The following UNC5C variants were observed in gnomAD, a reference collection of about 807,000 sequenced individuals.
UNC5C encodes unc-5 netrin receptor C, also known as netrin receptor UNC5C.
In UNC5C, 47 loss-of-function variants were observed where a neutral mutation model predicts 99.8. The observed-to-expected ratio is 0.47, with a 90% CI of 0.37 to 0.60. The LOEUF is 0.60. Among genes scored for constraint, UNC5C ranks in the 20% least tolerant of loss-of-function variants. The probability of loss-of-function intolerance (pLI) is 0.00; values close to 1 mark genes in which losing one functional copy is unlikely to be tolerated. For missense variants in UNC5C, 1,062 were observed against 1,165.9 expected, an observed-to-expected ratio of 0.91 and a Z score of 1.30; for synonymous variants, 487 against 452.2, an observed-to-expected ratio of 1.08 and a Z score of -0.98.
intron 1 of UNC5C, among the ~76,000 whole-genome samples, chr4:95,475,079 C>A (rs1748100646): frequency 6.6e-6 from 1 of 152,134 alleles, no homozygotes. Context: ...GTCTAACAAG[C>A]AGCTCCATCT....
At chr4:95,198,741 G>A (rs1737532497) in intron 12 of UNC5C, among the ~76,000 whole-genome samples, 1 of 152,152 alleles carries the variant, frequency 6.6e-6, no homozygotes, top group Admixed American at 6.5e-5. Flanking sequence ...CTTGGGGTTT[G>A]TTAGGGGTAC....
chr4:95,235,840 T>TCAC (rs1290301968), intron 7 of UNC5C, among the ~76,000 whole-genome samples: 1 of 152,114 alleles, frequency 6.6e-6, no homozygotes, highest in Non-Finnish European at 1.5e-5. Flanking sequence ...GAAAAAATGA[T>TCAC]CATCACTGGC....
chr4:95,180,519 A>ACTT (rs1458421788), intron 14 of UNC5C, among the ~76,000 whole-genome samples: 9 of 152,194 alleles, frequency 5.9e-5, no homozygotes, highest in African/African-American at 2.2e-4. Flanking sequence ...TCCTTCTTAA[A>ACTT]CTTCATCTCT....
chr4:95,218,263 G>A (rs1369475837), intron 9 of UNC5C, among the ~76,000 whole-genome samples: 2 of 152,134 alleles, frequency 1.3e-5, no homozygotes, highest in African/African-American at 2.4e-5. Flanking sequence ...TACTAATATT[G>A]ATTAATGAAT....
intron 2 of UNC5C, among the ~76,000 whole-genome samples, chr4:95,332,945 A>G (rs912903448): frequency 6.6e-6 from 1 of 152,224 alleles, no homozygotes; most frequent in Admixed American, 6.5e-5. Context: ...GAAGACATTT[A>G]TGTAGCCAAA....
chr4:95,230,175 G>C (rs189141912), intron 7 of UNC5C, among the ~76,000 whole-genome samples: 1 of 151,920 alleles, frequency 6.6e-6, no homozygotes, highest in Non-Finnish European at 1.5e-5. Context: ...TTGTGGTTTC[G>C]ATTTGCATTT....
Position 95,169,203 on chromosome 4 carries a change from T to C in UNC5C, c.*31A>G, listed in dbSNP as rs1735982369. 1 of 1,611,066 alleles carries C rather than the reference T, an allele frequency of 6.2e-7. No homozygotes were observed. The highest frequency in any genetic ancestry group is 8.5e-7 in the Non-Finnish European group (1 of 1,177,708). The stretch of plus-strand genomic sequence containing the variant: ...ACGGCCACAGACTCCCTGTGCATTT[T>C]TGTCCTTCATTTCCCCTTCCAGCAT... On this transcript the variant is annotated 3_prime_UTR_variant, in exon 16 of 16. Coordinates refer to ENST00000453304, the MANE Select transcript of UNC5C (RefSeq NM_003728.4).
rs562042411 is a variant in UNC5C at position 95,286,124 on chromosome 4, C to T, written c.491-7762G>A. Among the ~76,000 whole-genome samples, 8 of 152,308 alleles carry T rather than the reference C, an allele frequency of 5.3e-5. No homozygotes were observed. The South Asian group carries it at 6.2e-4, about 12-fold the overall frequency. ...AAGTGCCCAAAAGATAATAATCCCC[C>T]ACTCTACTTTTTCCCCGAAGTATTA... On this transcript the variant is annotated intron_variant, in intron 3 of 15. Coordinates refer to ENST00000453304, the MANE Select transcript of UNC5C (RefSeq NM_003728.4).
At chr4:95,249,288 T>C (rs4699837) in intron 5 of UNC5C, among the ~76,000 whole-genome samples, 63,210 of 152,024 alleles carry the variant, frequency 0.42, 13,594 homozygotes, top group East Asian at 0.63. Flanking sequence ...CTGACTGTAC[T>C]ATGAGCCACA....
intron 1 of UNC5C, among the ~76,000 whole-genome samples, chr4:95,466,370 A>G (rs544441474): frequency 7.9e-5 from 12 of 152,160 alleles, no homozygotes; most frequent in East Asian, 5.8e-4. Flanking sequence ...GATAATCAAC[A>G]TATATGAAAC....
chr4:95,335,710 G>A (rs1299509913), intron 1 of UNC5C, 79 bp from the exon 2 acceptor site: 1 of 1,174,000 alleles, frequency 8.5e-7, no homozygotes, highest in East Asian at 2.5e-5. Context: ...TGTAAAAATA[G>A]TGACTTATAA....
chr4:95,486,705 A>G (rs1721338745), intron 1 of UNC5C, among the ~76,000 whole-genome samples: 1 of 151,550 alleles, frequency 6.6e-6, no homozygotes, highest in Non-Finnish European at 1.5e-5. Flanking sequence ...CTTCCAGAAA[A>G]ACATCCTGAA....
intron 12 of UNC5C, among the ~76,000 whole-genome samples, chr4:95,191,507 C>G (rs1022336536): frequency 6.6e-6 from 1 of 151,958 alleles, no homozygotes; most frequent in Non-Finnish European, 1.5e-5. Context: ...GTGCTCCGGA[C>G]CCTGGCTTTG....
In UNC5C at chr4:95,363,809, G is replaced by A. The variant is rs888457246; in HGVS notation, c.125-28178C>T. Among the ~76,000 whole-genome samples the A allele has an allele frequency of 9.2e-5, 14 of 152,270 alleles. 1 individual carries two copies. Among genetic ancestry groups the A allele is most frequent in the African/African-American group, 3.4e-4 (14 of 41,570 alleles). On this transcript the variant is annotated intron_variant, in intron 1 of 15. Coordinates refer to ENST00000453304, the MANE Select transcript of UNC5C (RefSeq NM_003728.4). ...GCCACCCTGAGGCCTCACTCCAGGA[G>A]TCAAATTTAGACCTAATCACCTCTT...
At chr4:95,259,991 C>T (rs1740160268) in intron 4 of UNC5C, among the ~76,000 whole-genome samples, 1 of 152,148 alleles carries the variant, frequency 6.6e-6, no homozygotes, top group African/African-American at 2.4e-5. Flanking sequence ...TTAGCTTCAA[C>T]ACCCTTATCC....
At chr4:95,257,344 T>C (rs1321118594) in intron 4 of UNC5C, among the ~76,000 whole-genome samples, 4 of 151,544 alleles carry the variant, frequency 2.6e-5, no homozygotes, top group African/African-American at 9.7e-5. Context: ...GTCAAGGATA[T>C]AGAGAGCTAT....
chr4:95,241,308 G>A (rs1000431916), intron 7 of UNC5C, among the ~76,000 whole-genome samples: 2 of 152,188 alleles, frequency 1.3e-5, no homozygotes, highest in Admixed American at 6.5e-5. Context: ...CTTGGGGAAT[G>A]CAGTGTACCC....
intron 1 of UNC5C, among the ~76,000 whole-genome samples, chr4:95,402,562 C>T (rs545232267): frequency 5.3e-5 from 8 of 152,264 alleles, no homozygotes; most frequent in Non-Finnish European, 1.0e-4. Context: ...TCCCAGAGGG[C>T]CTTAAAACAT....
intron 1 of UNC5C, among the ~76,000 whole-genome samples, chr4:95,408,075 ATAAAT>A (rs1342901452): frequency 6.6e-6 from 1 of 152,216 alleles, no homozygotes; most frequent in Admixed American, 6.5e-5. Context: ...TACTTAATCT[ATAAAT>A]TAAAGTAATT....
Sources: gnomAD v4.1 joint callset for allele counts (sites outside exome capture counted in the v4.1 genomes callset) on GRCh38, gnomAD v4.1.1 for gene constraint, MANE v1.5 for transcripts, NCBI Gene and HGNC (gene_info 2026-07-23, HGNC 2026-07-21) for gene names.